Variants in DNM3 observed in about 807,000 individuals in gnomAD.
The protein encoded by DNM3 is dynamin-3.
In DNM3, 47 loss-of-function variants were observed where a neutral mutation model predicts 101.6. That is an observed-to-expected ratio of 0.46 (90% CI 0.37 to 0.59). The LOEUF is 0.59. DNM3 is among the 20% of genes least tolerant of loss of function. The pLI, the probability that DNM3 is intolerant of heterozygous loss-of-function variation, is 0.00. For synonymous variants in DNM3, 385 were observed against 387.9 expected (o/e 0.99, Z 0.09); for missense variants, 849 against 1,085.7 (o/e 0.78, Z 3.06).
intron 13 of DNM3, among the ~76,000 whole-genome samples, chr1:172,115,128 C>A (rs768475633): frequency 6.6e-6 from 1 of 152,062 alleles, no homozygotes; most frequent in Non-Finnish European, 1.5e-5. Context: ...GTCCACACCA[C>A]AGTAACAAAA....
Position 171,907,520 on chromosome 1 carries a change from G to C in DNM3, c.162-14228G>C, listed in dbSNP as rs977707662. 2.6e-5 allele frequency among the ~76,000 whole-genome samples: 4 copies of C among 151,968 alleles called. 1 individual carries two copies. The South Asian group carries it at 8.3e-4, about 32-fold the overall frequency. ...AAAAAAAAAAAAAGAAGTAAGTCAG[G>C]TCATGTTACTCCTCTGCTCAAAATT... On this transcript the variant is annotated intron_variant, in intron 1 of 20. Coordinates refer to ENST00000627582, the MANE Select transcript of DNM3 (RefSeq NM_015569.5).
chr1:172,242,189 C>T (rs943433662), intron 14 of DNM3, among the ~76,000 whole-genome samples: 3 of 152,110 alleles, frequency 2.0e-5, no homozygotes, highest in Non-Finnish European at 4.4e-5. Flanking sequence ...CTGGTAGGGA[C>T]AGGGAAGCCC....
rs74126024 is a variant in DNM3 at position 172,167,773 on chromosome 1, C to T, written c.1659+36485C>T. Among the ~76,000 whole-genome samples, 1,123 of 152,078 alleles carry T rather than the reference C, an allele frequency of 7.4e-3. 17 individuals carry two copies. Among genetic ancestry groups the T allele is most frequent in the African/African-American group, 0.025 (1,055 of 41,524 alleles). On this transcript the variant is annotated intron_variant, in intron 14 of 20. Transcript: ENST00000627582. Reference sequence around the variant, plus strand: ...GACAAACAGGTACATAATTTGCCTTCATAGAATTATCAAAATCAGTGTACT... The same window carrying T: ...GACAAACAGGTACATAATTTGCCTTTATAGAATTATCAAAATCAGTGTACT...
chr1:171,982,661 T>TG (rs1169674708), intron 2 of DNM3, among the ~76,000 whole-genome samples: 16 of 86,236 alleles, frequency 1.9e-4, no homozygotes, highest in African/African-American at 5.4e-4. Flanking sequence ...CATGTGTGTG[T>TG]TTGTGTGTGT....
chr1:172,040,671 C>T (rs2049311681), intron 7 of DNM3, among the ~76,000 whole-genome samples: 1 of 152,080 alleles, frequency 6.6e-6, no homozygotes, highest in South Asian at 2.1e-4. Flanking sequence ...GCCAAATGCT[C>T]TGCAGGAAAC....
chr1:172,229,989 A>T (rs906351773), intron 14 of DNM3, among the ~76,000 whole-genome samples: 1 of 152,068 alleles, frequency 6.6e-6, no homozygotes, highest in Non-Finnish European at 1.5e-5. Flanking sequence ...TCTTGCTTTT[A>T]TTCAAAGCTC....
At chr1:172,221,658 C>T (rs1259299746) in intron 14 of DNM3, among the ~76,000 whole-genome samples, 6 of 152,066 alleles carry the variant, frequency 3.9e-5, no homozygotes, top group Non-Finnish European at 8.8e-5. Context: ...ATTCCCTTGC[C>T]TCCTTTAGGG....
intron 1 of DNM3, among the ~76,000 whole-genome samples, chr1:171,855,359 G>T (rs2033484281): frequency 6.6e-6 from 1 of 152,144 alleles, no homozygotes; most frequent in South Asian, 2.1e-4. Flanking sequence ...GTGTCCTTAT[G>T]GTAGAATGAG....
intron 14 of DNM3, among the ~76,000 whole-genome samples, chr1:172,207,583 G>C (rs946634896): frequency 6.6e-6 from 1 of 152,068 alleles, no homozygotes; most frequent in Admixed American, 6.6e-5. Context: ...CAGGAGAAAG[G>C]CATTGAATTT....
At chr1:172,318,957 T>A (rs2065547091) in intron 16 of DNM3, among the ~76,000 whole-genome samples, 1 of 152,158 alleles carries the variant, frequency 6.6e-6, no homozygotes, top group South Asian at 2.1e-4. Flanking sequence ...AGAACAAAGC[T>A]GGAGGCATCA....
chr1:172,041,956 AG>A, intron 7 of DNM3, 52 bp from the exon 8 acceptor site: 4 of 1,500,602 alleles, frequency 2.7e-6, no homozygotes, highest in Non-Finnish European at 3.6e-6. Context: ...GAAAATGAAG[AG>A]TGCAAAGGCT....
chr1:172,406,631 T>C (rs2149127141), intron 20 of DNM3, among the ~76,000 whole-genome samples: 1 of 152,230 alleles, frequency 6.6e-6, no homozygotes, highest in African/African-American at 2.4e-5. Context: ...TGATTTTTCC[T>C]TGATCGTGTA....
intron 1 of DNM3, among the ~76,000 whole-genome samples, chr1:171,873,337 A>T (rs1046857255): frequency 6.6e-6 from 1 of 152,188 alleles, no homozygotes; most frequent in Non-Finnish European, 1.5e-5. Context: ...AAGGTTATTT[A>T]AAACCCTGAA....
chr1:172,228,142 C>T (rs1034986748), intron 14 of DNM3, among the ~76,000 whole-genome samples: 2 of 151,682 alleles, frequency 1.3e-5, no homozygotes, highest in Non-Finnish European at 2.9e-5. Flanking sequence ...CATTATTTTG[C>T]CATGAAGAAG....
intron 14 of DNM3, among the ~76,000 whole-genome samples, chr1:172,234,636 T>C (rs1573058715): frequency 1.3e-5 from 2 of 151,874 alleles, no homozygotes; most frequent in Non-Finnish European, 2.9e-5. Context: ...TCAAACTATA[T>C]TACAAGGCTA....
chr1:171,983,420 T>C (rs902922574), intron 2 of DNM3, among the ~76,000 whole-genome samples: 1 of 92,278 alleles, frequency 1.1e-5, no homozygotes, highest in Non-Finnish European at 2.2e-5. Context: ...TCCTGAAGGA[T>C]CCTCAAGTTG....
chr1:172,208,447 C>T (rs758964662), intron 14 of DNM3, among the ~76,000 whole-genome samples: 2 of 151,936 alleles, frequency 1.3e-5, no homozygotes, highest in African/African-American at 2.4e-5. Flanking sequence ...AGCAGGTTTA[C>T]CCTCCATAAT....
At chr1:171,973,730 C>G (rs1489120070) in intron 2 of DNM3, among the ~76,000 whole-genome samples, 1 of 147,848 alleles carries the variant, frequency 6.8e-6, no homozygotes, top group Non-Finnish European at 1.5e-5. Context: ...GGGGCATAAT[C>G]TTGGCTTACT....
intron 1 of DNM3, among the ~76,000 whole-genome samples, chr1:171,912,511 C>G (rs1288831451): frequency 1.3e-5 from 2 of 152,166 alleles, no homozygotes; most frequent in African/African-American, 4.8e-5. Flanking sequence ...CTATCCTACT[C>G]TTTGTTCTTT....
Sources: allele counts gnomAD v4.1 joint callset (sites outside exome capture counted in the v4.1 genomes callset), GRCh38; gene constraint gnomAD v4.1.1; transcripts MANE v1.5; gene names NCBI Gene and HGNC (gene_info 2026-07-23, HGNC 2026-07-21).